The following ZNF678 variants were observed in gnomAD, a reference collection of about 807,000 sequenced individuals.
The protein encoded by ZNF678 is zinc finger protein 678, also known as hypothetical protein MGC42493.
In ZNF678, 5 loss-of-function variants were observed where a neutral mutation model predicts 3.0. The ratio of observed to expected loss-of-function variants is 1.69; its 90% CI spans 0.88 to 3.56. The LOEUF is 3.56. Among genes scored for constraint, ZNF678 ranks in the 30% most tolerant of loss-of-function variants. ZNF678 has a pLI of 0.00. For synonymous variants in ZNF678, 218 were observed against 199.6 expected (o/e 1.09, Z -0.78); for missense variants, 593 against 605.0 (o/e 0.98, Z 0.21).
At chr1:227,565,459 T>A (rs1420468940) in intron 1 of ZNF678, among the ~76,000 whole-genome samples, 1 of 152,098 alleles carries the variant, frequency 6.6e-6, no homozygotes. Context: ...TGGACTCAAG[T>A]GATTTTTCTG....
At chr1:227,584,708 T>C (rs962449693) in intron 1 of ZNF678, among the ~76,000 whole-genome samples, 1 of 152,192 alleles carries the variant, frequency 6.6e-6, no homozygotes, top group Non-Finnish European at 1.5e-5. Flanking sequence ...AGTAAGAACT[T>C]ATAGGCAAGG....
chr1:227,590,729 A>G (rs955366201), intron 1 of ZNF678, among the ~76,000 whole-genome samples: 2 of 151,794 alleles, frequency 1.3e-5, no homozygotes, highest in South Asian at 2.1e-4. Flanking sequence ...TGTAGGCTCT[A>G]TGTCCACATA....
At chr1:227,626,710 G>T (rs1408998124) in intron 1 of ZNF678, among the ~76,000 whole-genome samples, 1 of 152,042 alleles carries the variant, frequency 6.6e-6, no homozygotes, top group Non-Finnish European at 1.5e-5. Context: ...TCTTAGGTTA[G>T]CTTTTTTAGA....
intron 1 of ZNF678, among the ~76,000 whole-genome samples, chr1:227,613,316 C>T (rs771729221): frequency 4.6e-5 from 7 of 152,150 alleles, no homozygotes. Flanking sequence ...TTGCCCTGGC[C>T]CCAGGACAGC....
chr1:227,642,193 A>G (rs1189417811), intron 1 of ZNF678, among the ~76,000 whole-genome samples: 3 of 152,194 alleles, frequency 2.0e-5, no homozygotes, highest in African/African-American at 7.2e-5. Context: ...CTGAGGATGG[A>G]TAGAAAACTC....
In ZNF678 at chr1:227,655,654, A is replaced by G; in HGVS notation, c.1404A>G (p.Lys468=). ...EKPYKCEECG[K]AFNQFSSLTR... is the part of the protein sequence containing the mutation. ...CCTACAAATGTGAAGAATGTGGCAA[A>G]GCCTTTAACCAGTTCTCAAGCCTTA... is the stretch of plus-strand genomic sequence containing the variant. The change falls in exon 4 of 4, where the codon AAA becomes AAG. Residue 468 remains lysine (K), a synonymous_variant. Coordinates refer to ENST00000343776, the MANE Select transcript of ZNF678 (RefSeq NM_001367909.1). 6.2e-7 allele frequency: 1 copy of G among 1,612,822 alleles called. No individual in the cohort carries two copies. The highest frequency in any genetic ancestry group is 1.3e-5 in the African/African-American group (1 of 74,986).
At chr1:227,649,546 C>T (rs558627506) in intron 2 of ZNF678, among the ~76,000 whole-genome samples, 1 of 152,310 alleles carries the variant, frequency 6.6e-6, no homozygotes, top group African/African-American at 2.4e-5. Context: ...GACGAGGTTT[C>T]ACCATGTTGG....
At chr1:227,678,182 T>C (rs1659714779), downstream of ZNF678, among the ~76,000 whole-genome samples, 1 of 152,162 alleles carries the variant, frequency 6.6e-6, no homozygotes, top group Non-Finnish European at 1.5e-5. Flanking sequence ...TATGGGGATA[T>C]AAACGCCTGG....
intron 1 of ZNF678, among the ~76,000 whole-genome samples, chr1:227,628,404 G>A (rs1267701575): frequency 1.3e-5 from 2 of 152,182 alleles, no homozygotes; most frequent in Admixed American, 6.5e-5. Flanking sequence ...TGCTTCAGGT[G>A]TCCATTCTAC....
intron 1 of ZNF678, among the ~76,000 whole-genome samples, chr1:227,606,167 C>A (rs990753581): frequency 2.0e-5 from 3 of 152,120 alleles, no homozygotes; most frequent in Non-Finnish European, 4.4e-5. Flanking sequence ...GGACCTGCAC[C>A]GGTGCCGGTC....
At chr1:227,674,240 C>T (rs951566957) in intron 5 of ZNF678, among the ~76,000 whole-genome samples, 2 of 152,196 alleles carry the variant, frequency 1.3e-5, no homozygotes, top group African/African-American at 2.4e-5. Context: ...GTAATTGATA[C>T]GTAAGTAGAG....
chr1:227,592,426 C>T lies in ZNF678; in HGVS notation c.-164+28702C>T, dbSNP rs148125380. On this transcript the variant is annotated intron_variant, in intron 1 of 3. Transcript: ENST00000343776. ...TCTAGTTGTTTTGAGAGATAGGCCA[C>T]TGGCCTTGGCCAGGGCCCTACAGTC... Among the ~76,000 whole-genome samples the T allele has an allele frequency of 7.7e-3, 1,176 of 152,346 alleles. 15 individuals are homozygous for T. The highest frequency in any genetic ancestry group is 0.026 in the African/African-American group (1,098 of 41,574).
intron 1 of ZNF678, among the ~76,000 whole-genome samples, chr1:227,585,310 G>T (rs890895039): frequency 6.6e-6 from 1 of 152,098 alleles, no homozygotes; most frequent in Non-Finnish European, 1.5e-5. Context: ...GAAAACACAG[G>T]TATCTTTGGG....
chr1:227,659,714 T>C lies in ZNF678; in HGVS notation c.*3886T>C, dbSNP rs951479056. On this transcript the variant is annotated 3_prime_UTR_variant, in exon 4 of 4. Transcript: ENST00000343776. The stretch of plus-strand genomic sequence containing the variant: ...TCAGTATTTGGAGCATTGCTATCGC[T>C]CCATGATGTGTTTAAAAATTATTTT... 1.3e-5 allele frequency: 2 copies of C among 152,180 alleles called. No individual in the cohort carries two copies. The highest frequency in any genetic ancestry group is 4.8e-5 in the African/African-American group (2 of 41,442). The allele number at this position is 152,180 out of a possible 1,614,324, so 9.4% of individuals were successfully genotyped here. A position where few individuals can be genotyped will look rare whatever the true frequency, so the allele number is the denominator to read the frequency against.
intron 1 of ZNF678, among the ~76,000 whole-genome samples, chr1:227,617,740 G>A (rs1242185015): frequency 6.6e-6 from 1 of 152,128 alleles, no homozygotes; most frequent in Non-Finnish European, 1.5e-5. Context: ...ATTGATGAAA[G>A]GGAATTCTGG....
chr1:227,677,758 G>C (rs896803958), downstream of ZNF678, among the ~76,000 whole-genome samples: 4 of 152,176 alleles, frequency 2.6e-5, no homozygotes, highest in African/African-American at 9.7e-5. Flanking sequence ...GCATCACCCT[G>C]CCCCAGCTGG....
intron 1 of ZNF678, among the ~76,000 whole-genome samples, chr1:227,566,621 C>T (rs1021426767): frequency 6.6e-6 from 1 of 152,220 alleles, no homozygotes; most frequent in African/African-American, 2.4e-5. Flanking sequence ...CCAGGTAGTA[C>T]TGCTTCTCCC....
At position 227,660,720 on chromosome 1, in the gene ZNF678, C is replaced by A. The variant is rs1659383001; in HGVS notation, c.*4892C>A. 6.6e-6 allele frequency: 1 copy of A among 151,966 alleles called. No homozygotes were observed. The highest frequency in any genetic ancestry group is 6.6e-5 in the Admixed American group (1 of 15,242). The allele number at this position is 151,966 out of a possible 1,614,324, so 9.4% of individuals were successfully genotyped here. A position where few individuals can be genotyped will look rare whatever the true frequency, so the allele number is the denominator to read the frequency against. On this transcript the variant is annotated 3_prime_UTR_variant, in exon 4 of 4. Coordinates refer to ENST00000343776, the MANE Select transcript of ZNF678 (RefSeq NM_001367909.1). ...GGTTTTGTTTTCTAATTTCTCTGGC[C>A]TGGAAATTCAGTAGCATGTTAAATA...
At chr1:227,652,713 T>G (rs935275150) in intron 3 of ZNF678, among the ~76,000 whole-genome samples, 1 of 152,130 alleles carries the variant, frequency 6.6e-6, no homozygotes, top group African/African-American at 2.4e-5. Flanking sequence ...ATTATATATT[T>G]CATATTATAG....
Sources: allele counts gnomAD v4.1 joint callset (sites outside exome capture counted in the v4.1 genomes callset), GRCh38; gene constraint gnomAD v4.1.1; transcripts MANE v1.5; gene names NCBI Gene and HGNC (gene_info 2026-07-23, HGNC 2026-07-21).